The following SNX2 variants were observed in gnomAD, a reference collection of about 807,000 sequenced individuals.
The protein encoded by SNX2 is sorting nexin-2.
SNX2 carries 25 observed loss-of-function variants against 69.9 expected under a neutral mutation model. The ratio of observed to expected loss-of-function variants is 0.36; its 90% CI spans 0.26 to 0.50. SNX2 has a LOEUF of 0.50. Among genes scored for constraint, SNX2 ranks in the 20% least tolerant of loss-of-function variants. The probability of loss-of-function intolerance (pLI) is 0.97; values close to 1 mark genes in which losing one functional copy is unlikely to be tolerated. For missense variants in SNX2, 551 were observed against 613.3 expected (o/e 0.90, Z 1.07); for synonymous variants, 229 against 200.4 (o/e 1.14, Z -1.20).
chr5:122,798,663 A>G (rs1237742667), intron 2 of SNX2, among the ~76,000 whole-genome samples: 1 of 152,074 alleles, frequency 6.6e-6, no homozygotes, highest in African/African-American at 2.4e-5. Context: ...CAGACTAGCA[A>G]AGTTGTAGTT....
intron 10 of SNX2, 36 bp downstream of exon 10, chr5:122,817,409 TAAAA>T: frequency 8.1e-7 from 1 of 1,237,846 alleles, no homozygotes; most frequent in Non-Finnish European, 1.1e-6. Flanking sequence ...GTTAGCACCA[TAAAA>T]CTAATGAAAA....
rs538327721 is a variant in SNX2, at chr5:122,829,353, C to A, written c.1510-245C>A. On this transcript the variant is annotated intron_variant, in intron 14 of 14. Coordinates refer to ENST00000379516, the MANE Select transcript of SNX2 (RefSeq NM_003100.4). ...CCCAGTAGCTGGGATTACAGGCAAG[C>A]GCCACATTGCCAGGCTAATTTTTGT... Among the ~76,000 whole-genome samples, 207 of 151,810 alleles carry A rather than the reference C, an allele frequency of 1.4e-3. 1 individual carries two copies. The highest frequency in any genetic ancestry group is 9.2e-3 in the South Asian group (44 of 4,800).
Position 122,817,377 on chromosome 5 carries a change from T to C in SNX2, c.1006+4T>C. The C allele has an allele frequency of 6.2e-7, 1 of 1,606,806 alleles. No individual in the cohort carries two copies. The highest frequency in any genetic ancestry group is 8.5e-7 in the Non-Finnish European group (1 of 1,173,718). Reference sequence around the variant, plus strand: ...GCCTTGGTCTGTCATAGAAAAGGTTTGTTTGCCTTACTACTTACGTAGTTA... The same window carrying C: ...GCCTTGGTCTGTCATAGAAAAGGTTCGTTTGCCTTACTACTTACGTAGTTA... On this transcript the variant is annotated splice_donor_region_variant and intron_variant, in intron 10 of 14. Transcript: ENST00000379516.
rs1561464624 is a variant in SNX2 at position 122,810,398 on chromosome 5, T to TAA, written c.722+2043_722+2044insAA. 3.7e-4 allele frequency among the ~76,000 whole-genome samples: 22 copies of TAA among 59,884 alleles called. 3 individuals are homozygous for TAA. Among genetic ancestry groups the TAA allele is most frequent in the East Asian group, 1.2e-3 (3 of 2,574 alleles). 39.3% of individuals were successfully genotyped at this position (59,884 alleles called of 152,430 possible). On this transcript the variant is annotated intron_variant, in intron 7 of 14. Coordinates refer to ENST00000379516, the MANE Select transcript of SNX2 (RefSeq NM_003100.4). ...GCGAGAAACACCCAAGAATGATCAA[T>TAA]TAAAAAAAAAAAAAAAAAAAAAAGA...
At chr5:122,789,170 C>T (rs1753155214) in intron 1 of SNX2, among the ~76,000 whole-genome samples, 1 of 152,144 alleles carries the variant, frequency 6.6e-6, no homozygotes. Flanking sequence ...GTTCAGTTTT[C>T]AAAGCTTTTG....
In SNX2 at chr5:122,830,260, T is replaced by C. The variant is rs2150019885; in HGVS notation, c.*612T>C. 6.6e-6 allele frequency among the ~76,000 whole-genome samples: 1 copy of C among 152,342 alleles called. No homozygotes were observed. Among genetic ancestry groups the C allele is most frequent in the South Asian group, 2.1e-4 (1 of 4,832 alleles). On this transcript the variant is annotated 3_prime_UTR_variant, in exon 15 of 15. Coordinates refer to ENST00000379516, the MANE Select transcript of SNX2 (RefSeq NM_003100.4). ...AAGCTGAACTCATTAAATGACTAAA[T>C]GAAGCTTAAGTTTTCTTATGAAACC...
intron 12 of SNX2, 61 bp from the exon 13 acceptor site, chr5:122,827,318 G>GT (rs1319237053): frequency 2.6e-5 from 35 of 1,361,266 alleles, no homozygotes; most frequent in Non-Finnish European, 3.2e-5. Flanking sequence ...TAAGTGAGTG[G>GT]TCTTGACAGT....
At chr5:122,821,374 T>C (rs1256258307) in intron 11 of SNX2, among the ~76,000 whole-genome samples, 1 of 152,120 alleles carries the variant, frequency 6.6e-6, no homozygotes, top group Non-Finnish European at 1.5e-5. Flanking sequence ...AAAAGGAATA[T>C]ACTGTGTGTA....
chr5:122,780,556 G>C (rs943655980), intron 1 of SNX2, among the ~76,000 whole-genome samples: 16 of 146,240 alleles, frequency 1.1e-4, no homozygotes, highest in Middle Eastern at 3.3e-3. Flanking sequence ...TATATAACTT[G>C]TTTTCTTTTC....
At chr5:122,791,606 G>A (rs1753240762) in intron 1 of SNX2, among the ~76,000 whole-genome samples, 3 of 151,982 alleles carry the variant, frequency 2.0e-5, no homozygotes, top group Admixed American at 1.3e-4. Context: ...TAGTAGAGAC[G>A]AGATTTTTCC....
intron 7 of SNX2, among the ~76,000 whole-genome samples, chr5:122,811,727 A>T (rs1753781298): frequency 6.6e-6 from 1 of 152,012 alleles, no homozygotes; most frequent in African/African-American, 2.4e-5. Context: ...GCTACTTGGG[A>T]GGCTGAGGCA....
At chr5:122,824,233 A>T (rs1225762012) in intron 11 of SNX2, among the ~76,000 whole-genome samples, 1 of 151,782 alleles carries the variant, frequency 6.6e-6, no homozygotes, top group African/African-American at 2.4e-5. Context: ...AATTGTAAAA[A>T]ACACTGATGA....
chr5:122,819,448 T>A (rs78892978), intron 11 of SNX2, among the ~76,000 whole-genome samples: 297 of 152,318 alleles, frequency 1.9e-3, no homozygotes, highest in Non-Finnish European at 3.1e-3. Context: ...ATCATAAATT[T>A]GGATGTAATC....
rs1754181505 is a variant in SNX2 at position 122,827,607 on chromosome 5, C to T, written c.1470C>T (p.Ile490=). 13 of 1,613,224 alleles carry T rather than the reference C, an allele frequency of 8.1e-6. No homozygotes were observed. Among genetic ancestry groups the T allele is most frequent in the African/African-American group, 1.3e-5 (1 of 74,896 alleles). Residue 490 remains isoleucine (I), a synonymous_variant, in exon 14 of 15, where the codon ATC becomes ATT. Transcript: ENST00000379516. ...GAGTGAAGGATTTTAAAACCGTTAT[C>T]ATCAAGTACTTAGAATCACTAGTTC... ...KERVKDFKTV[I]IKYLESLVQT...
At chr5:122,810,707 CCT>C in intron 7 of SNX2, among the ~76,000 whole-genome samples, 1 of 151,980 alleles carries the variant, frequency 6.6e-6, no homozygotes, top group Admixed American at 6.5e-5. Flanking sequence ...GAAACTTGAC[CCT>C]GTTTGTATAA....
chr5:122,792,582 A>C (rs1753268450), intron 1 of SNX2, among the ~76,000 whole-genome samples: 1 of 148,298 alleles, frequency 6.7e-6, no homozygotes, highest in Admixed American at 6.8e-5. Flanking sequence ...GGGCAACAAG[A>C]GTGAAACTTC....
intron 11 of SNX2, 72 bp from the exon 12 acceptor site, chr5:122,825,978 T>C (rs1280678115): frequency 2.8e-6 from 4 of 1,408,664 alleles, no homozygotes; most frequent in Non-Finnish European, 3.9e-6. Flanking sequence ...TTCAGTATTA[T>C]AACACTTCTA....
intron 1 of SNX2, among the ~76,000 whole-genome samples, chr5:122,786,067 A>C (rs1328455174): frequency 6.6e-6 from 1 of 152,164 alleles, no homozygotes; most frequent in Non-Finnish European, 1.5e-5. Context: ...ATAGATGCTT[A>C]GGATTGTTTT....
chr5:122,827,987 T>C (rs768038947), intron 14 of SNX2: 6 of 189,286 alleles, frequency 3.2e-5, no homozygotes, highest in Non-Finnish European at 5.4e-5. Context: ...AGTTCTTCTC[T>C]TCCATAACAA....
Sources: gnomAD v4.1 joint callset for allele counts (sites outside exome capture counted in the v4.1 genomes callset) on GRCh38, gnomAD v4.1.1 for gene constraint, MANE v1.5 for transcripts, NCBI Gene and HGNC (gene_info 2026-07-23, HGNC 2026-07-21) for gene names.